Variants in LRP1B observed in about 807,000 individuals in gnomAD.
LRP1B encodes low-density lipoprotein receptor-related protein 1B.
In LRP1B, 217 loss-of-function variants were observed where a neutral mutation model predicts 556.6. The observed-to-expected ratio is 0.39, with a 90% CI of 0.35 to 0.44. The LOEUF is 0.44. Among genes scored for constraint, LRP1B ranks in the 20% least tolerant of loss-of-function variants. The probability of loss-of-function intolerance (pLI) is 1.00; values close to 1 mark genes in which losing one functional copy is unlikely to be tolerated. For missense variants in LRP1B, 5,053 were observed against 5,620.8 expected, an observed-to-expected ratio of 0.90 and a Z score of 3.23; for synonymous variants, 2,047 against 1,865.8, an observed-to-expected ratio of 1.10 and a Z score of -2.50.
intron 7 of LRP1B, among the ~76,000 whole-genome samples, chr2:141,094,800 A>C (rs1558856559): frequency 6.6e-6 from 1 of 152,224 alleles, no homozygotes; most frequent in Non-Finnish European, 1.5e-5. Flanking sequence ...AAAGGATAGA[A>C]GCATTCGCTA....
intron 1 of LRP1B, among the ~76,000 whole-genome samples, chr2:141,963,328 A>C (rs1239430274): frequency 1.3e-5 from 2 of 151,896 alleles, no homozygotes; most frequent in African/African-American, 4.8e-5. Context: ...ATATTGCCTG[A>C]GAATAATCAA....
chr2:141,372,112 C>A (rs1360795905), intron 3 of LRP1B, among the ~76,000 whole-genome samples: 1 of 152,018 alleles, frequency 6.6e-6, no homozygotes, highest in Non-Finnish European at 1.5e-5. Context: ...TGCATCTATT[C>A]AGATGATCAT....
intron 2 of LRP1B, among the ~76,000 whole-genome samples, chr2:141,536,735 T>C (rs1685082078): frequency 6.6e-6 from 1 of 151,974 alleles, no homozygotes; most frequent in African/African-American, 2.4e-5. Context: ...TATAACAAAA[T>C]TGATTGTTGA....
intron 32 of LRP1B, among the ~76,000 whole-genome samples, chr2:140,804,885 C>G (rs773320957): frequency 4.0e-5 from 6 of 151,744 alleles, no homozygotes; most frequent in Non-Finnish European, 7.4e-5. Context: ...CTTGACTTTC[C>G]CATGGGTAAA....
At chr2:140,605,782 C>T (rs567083344) in intron 41 of LRP1B, among the ~76,000 whole-genome samples, 49 of 151,426 alleles carry the variant, frequency 3.2e-4, no homozygotes, top group African/African-American at 8.5e-4. Context: ...GGTTGAATGA[C>T]GGGCTTATTT....
chr2:141,733,411 G>T (rs536285621), intron 2 of LRP1B, among the ~76,000 whole-genome samples: 3 of 151,924 alleles, frequency 2.0e-5, no homozygotes, highest in African/African-American at 7.2e-5. Context: ...AACTTCGCTC[G>T]GGTTTAGCAT....
intron 67 of LRP1B, among the ~76,000 whole-genome samples, chr2:140,381,933 T>C (rs529897883): frequency 3.3e-5 from 5 of 151,120 alleles, no homozygotes; most frequent in Non-Finnish European, 7.4e-5. Flanking sequence ...ACTGATCATT[T>C]CTTTCAATAC....
At chr2:141,196,027 T>C (rs909514556) in intron 6 of LRP1B, among the ~76,000 whole-genome samples, 19 of 152,024 alleles carry the variant, frequency 1.2e-4, no homozygotes, top group Admixed American at 5.9e-4. Flanking sequence ...AGGGGCTATT[T>C]TGTAGCTAAA....
At chr2:140,661,639 C>T (rs1335931921) in intron 41 of LRP1B, among the ~76,000 whole-genome samples, 1 of 152,118 alleles carries the variant, frequency 6.6e-6, no homozygotes, top group Non-Finnish European at 1.5e-5. Context: ...TGCACTCCAG[C>T]CTGGGCAACA....
At chr2:141,603,701 A>T (rs1052899718) in intron 2 of LRP1B, among the ~76,000 whole-genome samples, 2 of 152,136 alleles carry the variant, frequency 1.3e-5, no homozygotes, top group Non-Finnish European at 2.9e-5. Context: ...ACCTTACCAT[A>T]TTATTTCTTT....
At chr2:141,633,718 T>C in intron 2 of LRP1B, among the ~76,000 whole-genome samples, 1 of 152,044 alleles carries the variant, frequency 6.6e-6, no homozygotes, top group Non-Finnish European at 1.5e-5. Flanking sequence ...CCAGAACTTT[T>C]CATGATCACA....
At chr2:140,476,189 T>C (rs16844087) in intron 59 of LRP1B, among the ~76,000 whole-genome samples, 7,315 of 152,126 alleles carry the variant, frequency 0.048, 218 homozygotes, top group African/African-American at 0.052. Flanking sequence ...TTCCTCAAAG[T>C]AAGAAAAATT....
At chr2:141,784,198 CT>C (rs1415290034) in intron 2 of LRP1B, among the ~76,000 whole-genome samples, 2 of 151,810 alleles carry the variant, frequency 1.3e-5, no homozygotes, top group African/African-American at 2.4e-5. Context: ...TATCTGCTAC[CT>C]TTTTTCCCCC....
At chr2:140,461,600 C>T (rs549017280) in intron 60 of LRP1B, among the ~76,000 whole-genome samples, 8 of 152,024 alleles carry the variant, frequency 5.3e-5, no homozygotes, top group Admixed American at 2.6e-4. Context: ...TTTGGGAGGC[C>T]GAGGCAAGCT....
chr2:141,152,547 C>T (rs1453360837), intron 7 of LRP1B, among the ~76,000 whole-genome samples: 2 of 151,878 alleles, frequency 1.3e-5, no homozygotes, highest in African/African-American at 2.4e-5. Flanking sequence ...TCTTGCTAGA[C>T]TCCCAATAAC....
chr2:140,545,174 T>C (rs1466668477), intron 43 of LRP1B, among the ~76,000 whole-genome samples: 3 of 151,312 alleles, frequency 2.0e-5, no homozygotes, highest in Non-Finnish European at 2.9e-5. Context: ...TTCTTATTAA[T>C]GCTAGGTATT....
intron 66 of LRP1B, among the ~76,000 whole-genome samples, chr2:140,425,972 G>A (rs1369187965): frequency 6.6e-6 from 1 of 151,966 alleles, no homozygotes; most frequent in African/African-American, 2.4e-5. Context: ...ATTTTCAGGT[G>A]TTCATTAATT....
intron 2 of LRP1B, among the ~76,000 whole-genome samples, chr2:141,685,223 T>C (rs903192514): frequency 8.5e-5 from 13 of 152,076 alleles, no homozygotes; most frequent in Admixed American, 5.3e-4. Flanking sequence ...TCTAGTTTCA[T>C]CAGTCTACAG....
chr2:141,542,999 G>C lies in LRP1B; in HGVS notation c.206-62466C>G, dbSNP rs575262783. 3.3e-5 allele frequency among the ~76,000 whole-genome samples: 5 copies of C among 152,170 alleles called. No individual in the cohort carries two copies. The South Asian group carries it at 6.2e-4, about 19-fold the overall frequency. On this transcript the variant is annotated intron_variant, in intron 2 of 90. Transcript: ENST00000389484. The stretch of plus-strand genomic sequence containing the variant: ...CATTAAGTGAAAAGAGTAAGGTATA[G>C]AACAACGTGACAGTTTGCTACTATT...
Sources: gnomAD v4.1 joint callset for allele counts (sites outside exome capture counted in the v4.1 genomes callset) on GRCh38, gnomAD v4.1.1 for gene constraint, MANE v1.5 for transcripts, NCBI Gene and HGNC (gene_info 2026-07-23, HGNC 2026-07-21) for gene names.